The following CACUL1 variants were observed in gnomAD, a reference collection of about 807,000 sequenced individuals.
CACUL1 encodes CDK2 associated cullin domain 1.
A neutral mutation model predicts 45.2 loss-of-function variants in CACUL1; 13 were observed. That is an observed-to-expected ratio of 0.29 (90% CI 0.19 to 0.46). The LOEUF (loss-of-function observed/expected upper bound fraction) is 0.46. CACUL1 is among the 20% of genes least tolerant of loss of function. CACUL1 has a pLI of 1.00. For missense variants in CACUL1, 421 were observed against 471.4 expected (o/e 0.89, Z 0.99); for synonymous variants, 197 against 174.2 (o/e 1.13, Z -1.03).
intron 3 of CACUL1, among the ~76,000 whole-genome samples, chr10:118,724,839 CA>C (rs1386795154): frequency 1.3e-5 from 2 of 152,164 alleles, no homozygotes; most frequent in East Asian, 3.9e-4. Context: ...TATGAAATAC[CA>C]AGCCTCAGAA....
intron 1 of CACUL1, among the ~76,000 whole-genome samples, chr10:118,750,469 C>T (rs1372004405): frequency 6.6e-6 from 1 of 152,214 alleles, no homozygotes; most frequent in Non-Finnish European, 1.5e-5. Context: ...CTGTTCCAGA[C>T]ATGGTCTCTT....
rs189637703 is a variant in CACUL1, at chr10:118,706,347, C to G, written c.693+1145G>C. Among the ~76,000 whole-genome samples, 37 of 152,294 alleles carry G rather than the reference C, an allele frequency of 2.4e-4. No individual in the cohort carries two copies. The East Asian group carries it at 6.9e-3, about 29-fold the overall frequency. ...GCTCTGCTTCCATACCTGGTCTCTA[C>G]TGAAAACTTTAAACAGCAAGAATAA... On this transcript the variant is annotated intron_variant, in intron 4 of 8. Transcript: ENST00000369151.
chr10:118,730,381 T>C lies in CACUL1; in HGVS notation c.397A>G (p.Lys133Glu). 6.2e-7 allele frequency: 1 copy of C among 1,613,196 alleles called. No homozygotes were observed. The highest frequency in any genetic ancestry group is 8.5e-7 in the Non-Finnish European group (1 of 1,179,158). ...LMNVITIEDY[K>E]STYWPKLDGA... Reference sequence around the variant, plus strand: ...TCCAATTTTGGCCAGTATGTGCTCTTATAATCTTCAATAGTTATAACATTC... The same window carrying C: ...TCCAATTTTGGCCAGTATGTGCTCTCATAATCTTCAATAGTTATAACATTC... Residue 133 changes from lysine to glutamate, a missense_variant, in exon 2 of 9, where the codon AAG (lysine) becomes GAG (glutamate). Lys to Glu is a moderately conservative substitution (Grantham distance 56). This residue lies in a region of CACUL1 where 208 missense variants were observed against 298.4 expected (regional missense o/e 0.70). Transcript: ENST00000369151.
At chr10:118,735,160 G>C (rs1845728895) in intron 1 of CACUL1, among the ~76,000 whole-genome samples, 1 of 152,186 alleles carries the variant, frequency 6.6e-6, no homozygotes, top group Non-Finnish European at 1.5e-5. Context: ...ATGCTGAACA[G>C]AAAAACAGTG....
At chr10:118,750,322 C>CAA (rs35127428) in intron 1 of CACUL1, among the ~76,000 whole-genome samples, 49 of 135,548 alleles carry the variant, frequency 3.6e-4, no homozygotes, top group Middle Eastern at 3.8e-3. Flanking sequence ...GAGACTGTCT[C>CAA]AAAAAAAAAA....
Position 118,679,498 on chromosome 10 carries a change from G to A in CACUL1, c.*6630C>T, listed in dbSNP as rs1317167935. ...CCCAAAGTATTGACATTACAGGCAA[G>A]AGCCACTGTGCCAGGCCCAACTTTT... On this transcript the variant is annotated 3_prime_UTR_variant, in exon 9 of 9. Coordinates refer to ENST00000369151, the MANE Select transcript of CACUL1 (RefSeq NM_153810.5). 6.6e-6 allele frequency: 1 copy of A among 151,884 alleles called. No homozygotes were observed. The highest frequency in any genetic ancestry group is 1.5e-5 in the Non-Finnish European group (1 of 68,038). The allele number at this position is 151,884 out of a possible 1,614,324, so 9.4% of individuals were successfully genotyped here.
chr10:118,751,607 A>G (rs1331539829), intron 1 of CACUL1, among the ~76,000 whole-genome samples: 1 of 152,152 alleles, frequency 6.6e-6, no homozygotes, highest in Non-Finnish European at 1.5e-5. Flanking sequence ...TACAGCCTTG[A>G]CATCTTAACT....
rs1845126121 is a variant in CACUL1 at position 118,679,173 on chromosome 10, A to G, written c.*6955T>C. ...CTCACACCTTAGCCTCCAAATAACT[A>G]GGACTAAAAGCAGGTACCACCACGC... On this transcript the variant is annotated 3_prime_UTR_variant, in exon 9 of 9. Transcript: ENST00000369151. The G allele has an allele frequency of 6.6e-6, 1 of 152,092 alleles. No homozygotes were observed. Among genetic ancestry groups the G allele is most frequent in the Non-Finnish European group, 1.5e-5 (1 of 68,066 alleles). The allele number at this position is 152,092 out of a possible 1,614,324, so 9.4% of individuals were successfully genotyped here.
At chr10:118,695,570 A>G (rs1845314680) in intron 5 of CACUL1, among the ~76,000 whole-genome samples, 1 of 152,226 alleles carries the variant, frequency 6.6e-6, no homozygotes, top group Admixed American at 6.5e-5. Flanking sequence ...ATAAAGTATC[A>G]TATGATAATC....
At chr10:118,747,117 G>A (rs1053602347) in intron 1 of CACUL1, among the ~76,000 whole-genome samples, 2 of 152,150 alleles carry the variant, frequency 1.3e-5, no homozygotes, top group African/African-American at 4.8e-5. Context: ...GATCCGAGGT[G>A]GAACAATTTC....
intron 1 of CACUL1, among the ~76,000 whole-genome samples, chr10:118,742,243 T>A (rs772615122): frequency 6.6e-6 from 1 of 152,200 alleles, no homozygotes. Flanking sequence ...TAGAGGTTAA[T>A]AACCGAATGT....
intron 3 of CACUL1, among the ~76,000 whole-genome samples, chr10:118,712,256 A>G (rs534440924): frequency 6.6e-6 from 1 of 152,142 alleles, no homozygotes; most frequent in Non-Finnish European, 1.5e-5. Context: ...GGCTCATGCT[A>G]CTGGCCTGGG....
At chr10:118,745,019 A>C (rs1466326070) in intron 1 of CACUL1, among the ~76,000 whole-genome samples, 3 of 152,208 alleles carry the variant, frequency 2.0e-5, no homozygotes, top group African/African-American at 7.2e-5. Flanking sequence ...GTATTTGGGG[A>C]ATTATGACAT....
At chr10:118,704,181 G>GCCT (rs1433835806) in intron 4 of CACUL1, among the ~76,000 whole-genome samples, 1 of 148,554 alleles carries the variant, frequency 6.7e-6, no homozygotes, top group Non-Finnish European at 1.5e-5. Context: ...TTACAGACCA[G>GCCT]CCTGGATAAC....
chr10:118,746,557 T>G (rs1229802154), intron 1 of CACUL1, among the ~76,000 whole-genome samples: 2 of 152,120 alleles, frequency 1.3e-5, no homozygotes, highest in Non-Finnish European at 2.9e-5. Flanking sequence ...AAATATTTCT[T>G]AGGATACAAA....
chr10:118,690,193 C>T (rs1845248473), intron 7 of CACUL1, among the ~76,000 whole-genome samples: 1 of 148,316 alleles, frequency 6.7e-6, no homozygotes, highest in Non-Finnish European at 1.5e-5. Flanking sequence ...CCCAGCTACT[C>T]GGGAGGCTGA....
chr10:118,733,856 TA>T (rs5788316), intron 1 of CACUL1, among the ~76,000 whole-genome samples: 150,070 of 151,312 alleles, frequency 0.99, 74,434 homozygotes, highest in Non-Finnish European at 1. Context: ...TACAAAAACT[TA>T]AAAAAAAAAA....
chr10:118,691,866 CAAAAAAA>C (rs754241223), intron 6 of CACUL1, among the ~76,000 whole-genome samples: 14 of 95,460 alleles, frequency 1.5e-4, no homozygotes, highest in African/African-American at 5.9e-4. Flanking sequence ...GACTCCGTCT[CAAAAAAA>C]AAAAAAAAAA....
intron 1 of CACUL1, among the ~76,000 whole-genome samples, chr10:118,748,848 T>C (rs1845869225): frequency 1.3e-5 from 2 of 151,984 alleles, no homozygotes; most frequent in African/African-American, 4.8e-5. Flanking sequence ...TGGGTTAAAA[T>C]GCATCAAACT....
Sources: allele counts gnomAD v4.1 joint callset (sites outside exome capture counted in the v4.1 genomes callset), GRCh38; gene constraint gnomAD v4.1.1; regional missense constraint gnomAD v4.1.1; transcripts MANE v1.5; gene names NCBI Gene and HGNC (gene_info 2026-07-23, HGNC 2026-07-21).